ULK4: variants seen among roughly 807,000 people sequenced by gnomAD.
ULK4 encodes unc-51 like kinase 4, also known as inactive serine/threonine-protein kinase ULK4.
A neutral mutation model predicts 160.6 loss-of-function variants in ULK4; 133 were observed. That is an observed-to-expected ratio of 0.83 (90% CI 0.72 to 0.96). The LOEUF (loss-of-function observed/expected upper bound fraction) is 0.96. Among genes scored for constraint, ULK4 ranks in the 40% least tolerant of loss-of-function variants. The probability of loss-of-function intolerance (pLI) is 0.00; values close to 1 mark genes in which losing one functional copy is unlikely to be tolerated. For missense variants in ULK4, 1,580 were observed against 1,499.5 expected (o/e 1.05, Z -0.89); for synonymous variants, 534 against 539.8 (o/e 0.99, Z 0.15).
intron 32 of ULK4, among the ~76,000 whole-genome samples, chr3:41,553,294 A>G (rs1157829149): frequency 6.6e-6 from 1 of 152,124 alleles, no homozygotes; most frequent in Non-Finnish European, 1.5e-5. Flanking sequence ...AGCAAAGAAA[A>G]CAATCTACAG....
chr3:41,287,765 T>C (rs1388397034), intron 35 of ULK4, among the ~76,000 whole-genome samples: 2 of 152,186 alleles, frequency 1.3e-5, no homozygotes, highest in Non-Finnish European at 2.9e-5. Flanking sequence ...TAGCATGATA[T>C]TAACATTTGC....
intron 18 of ULK4, among the ~76,000 whole-genome samples, chr3:41,823,073 G>GACA (rs2041203129): frequency 6.6e-6 from 1 of 151,646 alleles, no homozygotes; most frequent in South Asian, 2.1e-4. Flanking sequence ...AGATAATGAT[G>GACA]AGTGCTATAA....
At chr3:41,957,955 G>A (rs1381088511) in intron 1 of ULK4, among the ~76,000 whole-genome samples, 7 of 150,882 alleles carry the variant, frequency 4.6e-5, no homozygotes, top group South Asian at 4.2e-4. Context: ...GAGGCAGGAG[G>A]ATAGCTTGAA....
chr3:41,698,007 ATACTC>A (rs763551015), intron 27 of ULK4, among the ~76,000 whole-genome samples: 2 of 152,192 alleles, frequency 1.3e-5, no homozygotes, highest in Non-Finnish European at 2.9e-5. Context: ...TTTTATTGGT[ATACTC>A]ACCATTTGTT....
chr3:41,830,617 A>G (rs1324522434), intron 18 of ULK4, among the ~76,000 whole-genome samples: 4 of 152,082 alleles, frequency 2.6e-5, no homozygotes, highest in Non-Finnish European at 5.9e-5. Context: ...GCAGGGATGA[A>G]AAACTATAGG....
intron 32 of ULK4, among the ~76,000 whole-genome samples, chr3:41,489,285 T>C (rs9311278): frequency 0.41 from 62,268 of 152,046 alleles, 12,935 homozygotes; most frequent in African/African-American, 0.43. Context: ...CATTAGATCA[T>C]CTATTCTCTG....
intron 21 of ULK4, among the ~76,000 whole-genome samples, chr3:41,756,863 G>A (rs1462483579): frequency 1.3e-5 from 2 of 152,104 alleles, no homozygotes; most frequent in African/African-American, 4.8e-5. Context: ...AACACAAAAT[G>A]ATTCAAAGAT....
At chr3:41,536,236 G>C (rs114519579) in intron 32 of ULK4, among the ~76,000 whole-genome samples, 2,800 of 152,158 alleles carry the variant, frequency 0.018, 84 homozygotes, top group African/African-American at 0.063. Context: ...TCCTCTGCAG[G>C]ATACAAAGTG....
chr3:41,417,667 A>G (rs9815268), intron 34 of ULK4, among the ~76,000 whole-genome samples: 87,571 of 152,006 alleles, frequency 0.58, 26,833 homozygotes, highest in African/African-American at 0.81. Context: ...CAGCAGGAAC[A>G]AGAGAAAAGG....
At chr3:41,346,164 T>A (rs1345563749) in intron 35 of ULK4, among the ~76,000 whole-genome samples, 2 of 151,912 alleles carry the variant, frequency 1.3e-5, no homozygotes, top group African/African-American at 2.4e-5. Flanking sequence ...TGGCTGGGCT[T>A]TAAGCAGGGC....
At chr3:41,810,373 T>A (rs2040784309) in intron 19 of ULK4, among the ~76,000 whole-genome samples, 1 of 152,214 alleles carries the variant, frequency 6.6e-6, no homozygotes, top group Non-Finnish European at 1.5e-5. Flanking sequence ...TTTTAAAGTT[T>A]TCCCTCATCT....
At chr3:41,936,682 T>C (rs1018758175) in intron 3 of ULK4, among the ~76,000 whole-genome samples, 1 of 152,216 alleles carries the variant, frequency 6.6e-6, no homozygotes, top group Non-Finnish European at 1.5e-5. Flanking sequence ...AAACATCGCA[T>C]GTCCTCACTC....
chr3:41,284,343 T>C (rs1450690771), intron 35 of ULK4, among the ~76,000 whole-genome samples: 1 of 152,122 alleles, frequency 6.6e-6, no homozygotes. Flanking sequence ...GATTTCACAC[T>C]TTCCTATAAG....
intron 35 of ULK4, among the ~76,000 whole-genome samples, chr3:41,326,552 G>A (rs1259969657): frequency 6.6e-6 from 1 of 152,014 alleles, no homozygotes; most frequent in Non-Finnish European, 1.5e-5. Context: ...ACAGGTGAAA[G>A]GCAGACTTCA....
chr3:41,638,170 C>A (rs1192610405), intron 30 of ULK4, among the ~76,000 whole-genome samples: 2 of 152,134 alleles, frequency 1.3e-5, no homozygotes, highest in Non-Finnish European at 2.9e-5. Flanking sequence ...TATCAAAAAA[C>A]AAACTCTACC....
At chr3:41,427,268 T>C (rs552538543) in intron 34 of ULK4, among the ~76,000 whole-genome samples, 32 of 152,208 alleles carry the variant, frequency 2.1e-4, no homozygotes, top group African/African-American at 7.5e-4. Context: ...GAGGCAGTAA[T>C]AAATAGCCTA....
At chr3:41,451,109 A>G (rs774154021) in intron 34 of ULK4, among the ~76,000 whole-genome samples, 8 of 152,168 alleles carry the variant, frequency 5.3e-5, no homozygotes, top group African/African-American at 1.7e-4. Flanking sequence ...CTGCAGCTCC[A>G]GCAGAATTCC....
At chr3:41,780,644 G>C (rs913096693) in intron 21 of ULK4, among the ~76,000 whole-genome samples, 6 of 152,100 alleles carry the variant, frequency 3.9e-5, no homozygotes, top group Admixed American at 3.9e-4. Context: ...GAGCCACCTA[G>C]GCTTAGGAAC....
intron 17 of ULK4, among the ~76,000 whole-genome samples, chr3:41,866,534 G>T (rs1696890202): frequency 6.6e-6 from 1 of 152,170 alleles, no homozygotes; most frequent in Non-Finnish European, 1.5e-5. Flanking sequence ...AGCATCTAAT[G>T]CCACTGCTGA....
Sources: allele counts gnomAD v4.1 joint callset (sites outside exome capture counted in the v4.1 genomes callset), GRCh38; gene constraint gnomAD v4.1.1; transcripts MANE v1.5; gene names NCBI Gene and HGNC (gene_info 2026-07-23, HGNC 2026-07-21).